Variants in EEPD1 observed in about 807,000 individuals in gnomAD.
EEPD1 encodes endonuclease/exonuclease/phosphatase family domain containing 1.
In EEPD1, 17 loss-of-function variants were observed where a neutral mutation model predicts 46.3. The ratio of observed to expected loss-of-function variants is 0.37; its 90% confidence interval spans 0.25 to 0.55. The LOEUF (loss-of-function observed/expected upper bound fraction) is 0.55. EEPD1 is among the 20% of genes least tolerant of loss of function. The pLI is 0.83. For synonymous variants in EEPD1, 313 were observed against 315.6 expected (o/e 0.99, Z 0.09); for missense variants, 673 against 745.6 (o/e 0.90, Z 1.13).
At chr7:36,260,969 A>G (rs781399814) in intron 3 of EEPD1, among the ~76,000 whole-genome samples, 32 of 152,250 alleles carry the variant, frequency 2.1e-4, no homozygotes, top group Admixed American at 6.5e-4. Context: ...ATATATAGGA[A>G]GATGTGCATA....
chr7:36,292,847 G>T (rs1353104351), intron 6 of EEPD1, among the ~76,000 whole-genome samples: 1 of 152,108 alleles, frequency 6.6e-6, no homozygotes, highest in African/African-American at 2.4e-5. Context: ...GTCAGGTTTT[G>T]TTTCATTTTC....
chr7:36,243,843 A>C (rs1486044424), intron 3 of EEPD1, among the ~76,000 whole-genome samples: 1 of 150,082 alleles, frequency 6.7e-6, no homozygotes, highest in Non-Finnish European at 1.5e-5. Flanking sequence ...TGGGAATTGA[A>C]CAATGAGAAC....
At position 36,155,182 on chromosome 7, in the gene EEPD1, C is replaced by T; in HGVS notation, c.858C>T (p.Cys286=). Residue 286 remains cysteine (C), a synonymous_variant, in exon 2 of 8, where the codon TGC becomes TGT. Transcript: ENST00000242108. The part of the protein sequence containing the change: ...ANNPGVREVV[C]MTLLENSIKL... The stretch of plus-strand genomic sequence containing the variant: ...ACCCCGGGGTGCGAGAGGTGGTGTG[C>T]ATGACACTCCTGGAAAACAGGTGAG... 1.3e-6 allele frequency: 2 copies of T among 1,514,700 alleles called. No homozygotes were observed. Among genetic ancestry groups the T allele is most frequent in the Non-Finnish European group, 1.8e-6 (2 of 1,131,760 alleles). The allele number at this position is 1,514,700 out of a possible 1,614,324, so 93.8% of individuals were successfully genotyped here. A position where few individuals can be genotyped will look rare whatever the true frequency, so the allele number is the denominator to read the frequency against.
At chr7:36,213,260 C>G (rs1284613820) in intron 2 of EEPD1, among the ~76,000 whole-genome samples, 1 of 152,196 alleles carries the variant, frequency 6.6e-6, no homozygotes, top group African/African-American at 2.4e-5. Context: ...ATGGAATTAA[C>G]TGGCACTGGT....
intron 2 of EEPD1, chr7:36,231,015 A>G (rs2017535): frequency 0.96 from 145,738 of 152,278 alleles, 70,072 homozygotes; most frequent in East Asian, 1. Flanking sequence ...CCTTTAGGTT[A>G]TAATCTATTC....
chr7:36,247,396 T>C (rs1376207468), intron 3 of EEPD1, among the ~76,000 whole-genome samples: 1 of 152,204 alleles, frequency 6.6e-6, no homozygotes, highest in Non-Finnish European at 1.5e-5. Flanking sequence ...TGGAGTGTTA[T>C]TCACTATGAT....
At chr7:36,155,346 C>G in intron 2 of EEPD1, 144 bp downstream of exon 2, 1 of 1,012,476 alleles carries the variant, frequency 9.9e-7, no homozygotes. Context: ...CAGCCAATAC[C>G]GTCACCTGAG....
intron 6 of EEPD1, among the ~76,000 whole-genome samples, chr7:36,291,315 C>T (rs983203806): frequency 2.0e-5 from 3 of 152,170 alleles, no homozygotes; most frequent in East Asian, 3.8e-4. Flanking sequence ...CACTTGGTGT[C>T]GCAGTGGACA....
chr7:36,257,527 A>G (rs995748472), intron 3 of EEPD1, among the ~76,000 whole-genome samples: 3 of 151,466 alleles, frequency 2.0e-5, no homozygotes, highest in Admixed American at 6.6e-5. Context: ...GTTCCTTTTC[A>G]TTCTTTTTTC....
chr7:36,160,013 C>G (rs973976718), intron 2 of EEPD1, among the ~76,000 whole-genome samples: 1 of 152,214 alleles, frequency 6.6e-6, no homozygotes, highest in Non-Finnish European at 1.5e-5. Flanking sequence ...GTTTATCTCA[C>G]TAAAGGGAAA....
At chr7:36,162,653 AAAAG>A (rs751352497) in intron 2 of EEPD1, among the ~76,000 whole-genome samples, 7 of 152,156 alleles carry the variant, frequency 4.6e-5, no homozygotes, top group Non-Finnish European at 8.8e-5. Flanking sequence ...AAAAAAAAAG[AAAAG>A]AAAGAAAAAA....
At chr7:36,185,470 C>CT (rs1211582871) in intron 2 of EEPD1, among the ~76,000 whole-genome samples, 1 of 152,186 alleles carries the variant, frequency 6.6e-6, no homozygotes, top group African/African-American at 2.4e-5. Flanking sequence ...ATTCTTGTAT[C>CT]TGTCTGTTGG....
chr7:36,188,223 C>T (rs558282403), intron 2 of EEPD1, among the ~76,000 whole-genome samples: 1 of 152,184 alleles, frequency 6.6e-6, no homozygotes, highest in Non-Finnish European at 1.5e-5. Context: ...TTCTCTCTCT[C>T]TCTTTCCATA....
intron 2 of EEPD1, among the ~76,000 whole-genome samples, chr7:36,164,464 G>C (rs1269479607): frequency 7.2e-5 from 11 of 152,182 alleles, no homozygotes; most frequent in Admixed American, 7.2e-4. Context: ...TTTTACAAAG[G>C]GAATGGGGAC....
chr7:36,176,703 T>C (rs1785186281), intron 2 of EEPD1, among the ~76,000 whole-genome samples: 1 of 152,196 alleles, frequency 6.6e-6, no homozygotes, highest in Non-Finnish European at 1.5e-5. Context: ...AAAGATAGTA[T>C]ATTGACTTCA....
chr7:36,155,133 G>C lies in EEPD1; in HGVS notation c.809G>C (p.Gly270Ala), dbSNP rs1784806996. 1 of 1,540,856 alleles carries C rather than the reference G, an allele frequency of 6.5e-7. No homozygotes were observed. The highest frequency in any genetic ancestry group is 8.7e-7 in the Non-Finnish European group (1 of 1,145,938). ...AGGCTGGCCACCTGGAACTTGCAGG[G>C]CTGTTCCGTGGAGAAGGCCAACAAC... ...VLRLATWNLQ[G>A]CSVEKANNPG... Residue 270 changes from glycine (G) to alanine (A), a missense_variant, in exon 2 of 8, where the codon GGC (glycine) becomes GCC (alanine). Physicochemically the swap from Gly to Ala is moderately conservative, Grantham distance 60. Transcript: ENST00000242108.
At position 36,281,151 on chromosome 7, in the gene EEPD1, A is replaced by T. The variant is rs1562711540; in HGVS notation, c.967A>T (p.Ile323Phe). ...GCTAAACCAGCCGACCCTGCCCAAC[A>T]TCCGCAAGTGGAAGGGGCCCCGGGG... ...TELNQPTLPNIRKWKGPRGCW... is the reference protein window; with the variant it reads ...TELNQPTLPNFRKWKGPRGCW... Residue 323 changes from isoleucine to phenylalanine, a missense_variant, in exon 4 of 8, where the codon ATC (isoleucine) becomes TTC (phenylalanine). Ile to Phe is a conservative substitution (Grantham distance 21). Coordinates refer to ENST00000242108, the MANE Select transcript of EEPD1 (RefSeq NM_030636.3). The T allele has an allele frequency of 6.2e-7, 1 of 1,614,110 alleles. No individual in the cohort carries two copies. Among genetic ancestry groups the T allele is most frequent in the East Asian group, 2.2e-5 (1 of 44,876 alleles).
In EEPD1 at chr7:36,196,603, G is replaced by A. The variant is rs181176979; in HGVS notation, c.878+41401G>A. Reference sequence around the variant, plus strand: ...GTTTTCCTGTTTCTTTGGTGGGGACGGGGTTTCACTGTGTTGGCCGGACTG... The same window carrying A: ...GTTTTCCTGTTTCTTTGGTGGGGACAGGGTTTCACTGTGTTGGCCGGACTG... On this transcript the variant is annotated intron_variant, in intron 2 of 7. Transcript: ENST00000242108. 3.9e-5 allele frequency among the ~76,000 whole-genome samples: 6 copies of A among 152,368 alleles called. No individual in the cohort carries two copies. The South Asian group carries it at 1.0e-3, about 26-fold the overall frequency.
At chr7:36,220,236 AC>A (rs1422998487) in intron 2 of EEPD1, among the ~76,000 whole-genome samples, 2 of 152,194 alleles carry the variant, frequency 1.3e-5, no homozygotes, top group African/African-American at 4.8e-5. Flanking sequence ...AGGAACAAAT[AC>A]CTTCAGATGA....
Sources: gnomAD v4.1 joint callset for allele counts (sites outside exome capture counted in the v4.1 genomes callset) on GRCh38, gnomAD v4.1.1 for gene constraint, MANE v1.5 for transcripts, NCBI Gene and HGNC (gene_info 2026-07-23, HGNC 2026-07-21) for gene names.